NSUN3: variants seen among roughly 807,000 people sequenced by gnomAD.
The protein encoded by NSUN3 is tRNA (cytosine(34)-C(5))-methyltransferase, mitochondrial.
A neutral mutation model predicts 36.8 loss-of-function variants in NSUN3; 24 were observed. That is an observed-to-expected ratio of 0.65 (90% CI 0.47 to 0.92). The LOEUF (loss-of-function observed/expected upper bound fraction) is 0.92, where lower values mean the gene tolerates loss of function less well. Among genes scored for constraint, NSUN3 ranks in the 40% least tolerant of loss-of-function variants. NSUN3 has a pLI of 0.00. For missense variants in NSUN3, 381 were observed against 392.8 expected, an observed-to-expected ratio of 0.97 and a Z score of 0.25; for synonymous variants, 146 against 145.2, an observed-to-expected ratio of 1.01 and a Z score of -0.04.
intron 3 of NSUN3, among the ~76,000 whole-genome samples, chr3:94,089,000 A>G (rs559798104): frequency 2.2e-4 from 34 of 152,290 alleles, no homozygotes; most frequent in Admixed American, 3.9e-4. Flanking sequence ...GTCTGCAGCA[A>G]ATAGCACTGG....
chr3:94,094,357 G>A (rs1392059273), intron 4 of NSUN3, 63 bp downstream of exon 4: 1 of 1,480,398 alleles, frequency 6.8e-7, no homozygotes, highest in African/African-American at 1.4e-5. Context: ...ATGTTGCTTT[G>A]TGGTTGTTAT....
At chr3:94,066,914 C>A (rs1379891685) in intron 2 of NSUN3, among the ~76,000 whole-genome samples, 2 of 152,094 alleles carry the variant, frequency 1.3e-5, no homozygotes, top group Non-Finnish European at 1.5e-5. Context: ...AAAAAATGAA[C>A]CTTATATAAA....
chr3:94,109,861 C>T (rs1303358169), intron 5 of NSUN3, among the ~76,000 whole-genome samples: 3 of 152,182 alleles, frequency 2.0e-5, no homozygotes, highest in South Asian at 4.1e-4. Context: ...CATTTTATTA[C>T]CCCAGAAAGA....
At chr3:94,073,113 C>A (rs758453896) in intron 2 of NSUN3, among the ~76,000 whole-genome samples, 5 of 152,162 alleles carry the variant, frequency 3.3e-5, no homozygotes, top group African/African-American at 1.2e-4. Flanking sequence ...TCATCCATGT[C>A]CCCGCGAAGG....
chr3:94,125,575 G>A (rs2077482072), intron 5 of NSUN3, among the ~76,000 whole-genome samples: 1 of 152,148 alleles, frequency 6.6e-6, no homozygotes, highest in African/African-American at 2.4e-5. Flanking sequence ...TCTTATGTAT[G>A]CTTTCATATG....
chr3:94,118,732 T>TGTA (rs1244125217), intron 5 of NSUN3, among the ~76,000 whole-genome samples: 1 of 152,148 alleles, frequency 6.6e-6, no homozygotes, highest in African/African-American at 2.4e-5. Flanking sequence ...GGCACAGACA[T>TGTA]TTACACAAGC....
At chr3:94,072,973 G>T (rs1374106181) in intron 2 of NSUN3, among the ~76,000 whole-genome samples, 1 of 151,978 alleles carries the variant, frequency 6.6e-6, no homozygotes, top group African/African-American at 2.4e-5. Context: ...CACCCGACAG[G>T]CCCTGATGTG....
Position 94,109,991 on chromosome 3 carries a change from TG to T in NSUN3, c.743+14838del, listed in dbSNP as rs562145883. On this transcript the variant is annotated intron_variant, in intron 5 of 5. Transcript: ENST00000314622. Reference sequence around the variant, plus strand: ...AACTTAAAAAGGTAATGAAATAGCATGTACTCTTTTATCTGGAATTTTTCTC... The same window carrying T: ...AACTTAAAAAGGTAATGAAATAGCATTACTCTTTTATCTGGAATTTTTCTC... Among the ~76,000 whole-genome samples, 61 of 152,334 alleles carry T rather than the reference TG, an allele frequency of 4.0e-4. 1 individual carries two copies. In the South Asian group the frequency reaches 8.5e-3, roughly 21 times the overall value.
At chr3:94,075,334 AG>A (rs1483905529) in intron 2 of NSUN3, among the ~76,000 whole-genome samples, 3 of 152,132 alleles carry the variant, frequency 2.0e-5, no homozygotes, top group African/African-American at 7.2e-5. Flanking sequence ...TACACTAATG[AG>A]CAAAAATATA....
chr3:94,110,751 C>T (rs900187574), intron 5 of NSUN3, among the ~76,000 whole-genome samples: 3 of 151,848 alleles, frequency 2.0e-5, no homozygotes, highest in Admixed American at 2.0e-4. Flanking sequence ...CACACACACA[C>T]ACACACACAC....
At chr3:94,118,828 C>T (rs2077450847) in intron 5 of NSUN3, among the ~76,000 whole-genome samples, 1 of 151,946 alleles carries the variant, frequency 6.6e-6, no homozygotes, top group African/African-American at 2.4e-5. Context: ...ACAGCTTTGC[C>T]AAAGTTTATT....
At position 94,084,227 on chromosome 3, in the gene NSUN3, T is replaced by A. The variant is rs752346843; in HGVS notation, c.243T>A (p.Ser81=). The part of the protein sequence containing the change: ...LKGYHTLSQG[S]LPNYPKSVKC... ...GCTATCACACACTCTCTCAGGGATC[T>A]TTACCCAACTATCCTAAATCAGTGA... Residue 81 remains serine (S), a synonymous_variant, in exon 3 of 6, where the codon TCT becomes TCA. Transcript: ENST00000314622. 1 of 1,614,040 alleles carries A rather than the reference T, an allele frequency of 6.2e-7. No individual in the cohort carries two copies. The highest frequency in any genetic ancestry group is 8.5e-7 in the Non-Finnish European group (1 of 1,180,012).
chr3:94,099,324 TAGGCACCTTCTTATGTCCCAGCAACTA>T (rs1003271277), intron 5 of NSUN3, among the ~76,000 whole-genome samples: 3 of 152,188 alleles, frequency 2.0e-5, no homozygotes, highest in African/African-American at 7.2e-5. Flanking sequence ...AAACCCCAGA[TAGGCACCTTCTTATGTCCCAGCAACTA>T]AGGCTCTTCT....
rs550166173 is a variant in NSUN3, at chr3:94,076,841, A to G, written c.123-7266A>G. On this transcript the variant is annotated intron_variant, in intron 2 of 5. Transcript: ENST00000314622. ...GATTTCTATTTCAATTTTTCCACTA[A>G]CTGAACCAAAACCTCCAAATTCTCC... 3.1e-4 allele frequency: 483 copies of G among 1,582,032 alleles called. 1 individual carries two copies. Among genetic ancestry groups the G allele is most frequent in the Middle Eastern group, 2.5e-3 (13 of 5,294 alleles).
chr3:94,123,716 A>G (rs986183063), intron 5 of NSUN3, among the ~76,000 whole-genome samples: 3 of 152,042 alleles, frequency 2.0e-5, no homozygotes, highest in Non-Finnish European at 4.4e-5. Flanking sequence ...CTTTCCTTGA[A>G]CATGCCTCAA....
chr3:94,119,146 G>A (rs2077451890), intron 5 of NSUN3, among the ~76,000 whole-genome samples: 1 of 151,930 alleles, frequency 6.6e-6, no homozygotes, highest in Non-Finnish European at 1.5e-5. Flanking sequence ...TAATGGACAG[G>A]GCCCTGTATA....
intron 5 of NSUN3, among the ~76,000 whole-genome samples, chr3:94,117,396 G>T (rs919376490): frequency 3.9e-5 from 6 of 152,126 alleles, no homozygotes; most frequent in Non-Finnish European, 7.4e-5. Flanking sequence ...GTTGTATTCT[G>T]TGAACTGTCA....
intron 5 of NSUN3, among the ~76,000 whole-genome samples, chr3:94,124,864 C>T (rs1205712511): frequency 1.3e-5 from 2 of 152,026 alleles, no homozygotes; most frequent in Admixed American, 1.3e-4. Flanking sequence ...CCACCTAGAA[C>T]AATGCTCAGC....
At chr3:94,096,535 G>C (rs945763202) in intron 5 of NSUN3, among the ~76,000 whole-genome samples, 1 of 152,014 alleles carries the variant, frequency 6.6e-6, no homozygotes, top group East Asian at 1.9e-4. Context: ...GTCTTACTCT[G>C]TCACCCAGAC....
Sources: allele counts gnomAD v4.1 joint callset (sites outside exome capture counted in the v4.1 genomes callset), GRCh38; gene constraint gnomAD v4.1.1; transcripts MANE v1.5; gene names NCBI Gene and HGNC (gene_info 2026-07-23, HGNC 2026-07-21).